Variants in KCND2 observed in about 807,000 individuals in gnomAD.
KCND2 encodes potassium voltage-gated channel subfamily D member 2.
KCND2 carries 16 observed loss-of-function variants against 54.4 expected under a neutral mutation model. The observed-to-expected ratio is 0.29, with a 90% CI of 0.20 to 0.45. The LOEUF (loss-of-function observed/expected upper bound fraction) is 0.45, where lower values mean the gene tolerates loss of function less well. Ranked by LOEUF, KCND2 falls within the 20% of genes least tolerant of loss-of-function variation. KCND2 has a pLI of 1.00. For missense variants in KCND2, 486 were observed against 824.2 expected, an observed-to-expected ratio of 0.59 and a Z score of 5.02; for synonymous variants, 317 against 310.7, an observed-to-expected ratio of 1.02 and a Z score of -0.21.
At chr7:120,741,424 C>T in intron 2 of KCND2, 110 bp from the exon 3 acceptor site, 3 of 768,974 alleles carry the variant, frequency 3.9e-6, no homozygotes, top group Non-Finnish European at 6.8e-6. Flanking sequence ...GAAAAGCTGG[C>T]TTACTTTTAA....
chr7:120,583,521 G>A (rs1016531372), intron 1 of KCND2, among the ~76,000 whole-genome samples: 2 of 152,094 alleles, frequency 1.3e-5, no homozygotes, highest in African/African-American at 4.8e-5. Context: ...CAGAGAAATT[G>A]AGATCAAGGT....
chr7:120,486,448 G>A (rs1802694854), intron 1 of KCND2, among the ~76,000 whole-genome samples: 1 of 152,060 alleles, frequency 6.6e-6, no homozygotes, highest in Admixed American at 6.6e-5. Flanking sequence ...AAAAAGTAAG[G>A]TAAGGAAGAT....
rs574994924 is a variant in KCND2, at chr7:120,736,391, TC to T, written c.1278+3328del. ...GTATAGGCCTAAACTGTGACACCTCTCCTCTACTCCCACCATTGGTAATTAT... is the reference window on the plus strand; with the variant it reads ...GTATAGGCCTAAACTGTGACACCTCTCTCTACTCCCACCATTGGTAATTAT... On this transcript the variant is annotated intron_variant, in intron 2 of 5. Coordinates refer to ENST00000331113, the MANE Select transcript of KCND2 (RefSeq NM_012281.3). Among the ~76,000 whole-genome samples, 644 of 151,114 alleles carry T rather than the reference TC, an allele frequency of 4.3e-3. 2 individuals are homozygous for T. The highest frequency in any genetic ancestry group is 8.4e-3 in the Admixed American group (128 of 15,180).
At chr7:120,431,765 A>G (rs1801791060) in intron 1 of KCND2, among the ~76,000 whole-genome samples, 1 of 152,168 alleles carries the variant, frequency 6.6e-6, no homozygotes, top group Non-Finnish European at 1.5e-5. Context: ...ACAGACATCA[A>G]AAATATCCCA....
At chr7:120,374,381 T>C (rs17323829) in intron 1 of KCND2, among the ~76,000 whole-genome samples, 5,305 of 151,878 alleles carry the variant, frequency 0.035, 116 homozygotes, top group Non-Finnish European at 0.054. Context: ...TTACTTTTTT[T>C]GTACAATCTA....
chr7:120,449,222 G>A (rs925210818), intron 1 of KCND2, among the ~76,000 whole-genome samples: 4 of 151,782 alleles, frequency 2.6e-5, no homozygotes, highest in East Asian at 1.9e-4. Flanking sequence ...CTAGCTACTC[G>A]GGAGGCTGAG....
intron 1 of KCND2, among the ~76,000 whole-genome samples, chr7:120,503,017 G>C (rs889789500): frequency 1.3e-5 from 2 of 152,044 alleles, no homozygotes; most frequent in African/African-American, 4.8e-5. Flanking sequence ...TATTTACCCA[G>C]TTTGAAGTAC....
chr7:120,353,136 T>A (rs1050792908), intron 1 of KCND2, among the ~76,000 whole-genome samples: 11 of 140,140 alleles, frequency 7.8e-5, no homozygotes, highest in Admixed American at 3.5e-4. Context: ...ACTTTTACTT[T>A]TTTTTTTTTT....
At chr7:120,426,179 AAATT>A (rs1013036156) in intron 1 of KCND2, among the ~76,000 whole-genome samples, 5 of 152,146 alleles carry the variant, frequency 3.3e-5, no homozygotes, top group Admixed American at 2.0e-4. Flanking sequence ...AACAAAATAA[AAATT>A]AAGCTGAATT....
At chr7:120,553,728 A>T (rs1471417763) in intron 1 of KCND2, among the ~76,000 whole-genome samples, 2 of 152,218 alleles carry the variant, frequency 1.3e-5, no homozygotes, top group Admixed American at 1.3e-4. Flanking sequence ...CACTCAGGAA[A>T]TGAAGATGAT....
intron 1 of KCND2, among the ~76,000 whole-genome samples, chr7:120,395,401 G>A (rs995997795): frequency 1.3e-5 from 2 of 151,978 alleles, no homozygotes; most frequent in African/African-American, 4.8e-5. Context: ...TATTGAAGAA[G>A]TAATTTTTCC....
chr7:120,505,549 G>T (rs1004202298), intron 1 of KCND2, among the ~76,000 whole-genome samples: 1 of 151,794 alleles, frequency 6.6e-6, no homozygotes, highest in Non-Finnish European at 1.5e-5. Flanking sequence ...ATTTGTGTTT[G>T]CTCAAATCAG....
At chr7:120,416,209 G>GT (rs1801522669) in intron 1 of KCND2, among the ~76,000 whole-genome samples, 1 of 152,098 alleles carries the variant, frequency 6.6e-6, no homozygotes, top group Non-Finnish European at 1.5e-5. Context: ...TTACTAACCT[G>GT]TTTATTTCTT....
At chr7:120,570,719 A>G (rs1358949239) in intron 1 of KCND2, among the ~76,000 whole-genome samples, 1 of 152,094 alleles carries the variant, frequency 6.6e-6, no homozygotes, top group Non-Finnish European at 1.5e-5. Flanking sequence ...ATTATTTAGT[A>G]TAGTTTTATT....
At chr7:120,590,625 A>G (rs1434121128) in intron 1 of KCND2, among the ~76,000 whole-genome samples, 8 of 152,168 alleles carry the variant, frequency 5.3e-5, no homozygotes, top group Non-Finnish European at 1.0e-4. Flanking sequence ...AGAAGTTCCA[A>G]TCAGAGCTTT....
intron 1 of KCND2, among the ~76,000 whole-genome samples, chr7:120,729,082 G>T (rs368464261): frequency 1.5e-4 from 23 of 152,146 alleles, no homozygotes; most frequent in East Asian, 5.8e-4. Flanking sequence ...ATGCTGTTTT[G>T]CTTCTTGCTG....
intron 1 of KCND2, among the ~76,000 whole-genome samples, chr7:120,339,779 A>G (rs1196993076): frequency 2.6e-5 from 4 of 152,144 alleles, no homozygotes; most frequent in Non-Finnish European, 4.4e-5. Context: ...AGGGAAGGGG[A>G]TCAGGTTGCA....
At chr7:120,301,852 CT>C (rs1365063230) in intron 1 of KCND2, among the ~76,000 whole-genome samples, 1 of 152,088 alleles carries the variant, frequency 6.6e-6, no homozygotes, top group Non-Finnish European at 1.5e-5. Context: ...TGCATCACCC[CT>C]ATAATACCTT....
At chr7:120,428,348 G>C (rs185077763) in intron 1 of KCND2, among the ~76,000 whole-genome samples, 2 of 152,112 alleles carry the variant, frequency 1.3e-5, no homozygotes, top group Non-Finnish European at 2.9e-5. Flanking sequence ...AAACAGGTGC[G>C]AATACTATGG....
Sources: gnomAD v4.1 joint callset for allele counts (sites outside exome capture counted in the v4.1 genomes callset) on GRCh38, gnomAD v4.1.1 for gene constraint, MANE v1.5 for transcripts, NCBI Gene and HGNC (gene_info 2026-07-23, HGNC 2026-07-21) for gene names.